BCAS3: variants seen among roughly 807,000 people sequenced by gnomAD.
BCAS3 encodes the protein BCAS3 microtubule associated cell migration factor, also known as BCAS4/BCAS3 fusion.
In BCAS3, 53 loss-of-function variants were observed where a neutral mutation model predicts 116.1. The ratio of observed to expected loss-of-function variants is 0.46; its 90% CI spans 0.37 to 0.57. BCAS3 has a LOEUF of 0.57. Among genes scored for constraint, BCAS3 ranks in the 20% least tolerant of loss-of-function variants. The pLI, the probability that BCAS3 is intolerant of heterozygous loss-of-function variation, is 0.00. For synonymous variants in BCAS3, 391 were observed against 408.2 expected (o/e 0.96, Z 0.51); for missense variants, 917 against 1,165.4 (o/e 0.79, Z 3.10).
rs559924249 is a variant in BCAS3, at chr17:61,146,867, T to C, written c.2425+62303T>C. Among the ~76,000 whole-genome samples, 86 of 152,166 alleles carry C rather than the reference T, an allele frequency of 5.7e-4. 1 individual carries two copies. Among genetic ancestry groups the C allele is most frequent in the Non-Finnish European group, 6.9e-4 (47 of 68,026 alleles). On this transcript the variant is annotated intron_variant, in intron 22 of 23. Coordinates refer to ENST00000407086, the MANE Select transcript of BCAS3 (RefSeq NM_017679.5). Reference sequence around the variant, plus strand: ...GCACTTGCTAGAGAAAATGAAAATATTTCAAACCCACTTAGTTTTTTTAAT... The same window carrying C: ...GCACTTGCTAGAGAAAATGAAAATACTTCAAACCCACTTAGTTTTTTTAAT...
At chr17:61,099,195 G>C (rs1057000883) in intron 22 of BCAS3, among the ~76,000 whole-genome samples, 1 of 152,102 alleles carries the variant, frequency 6.6e-6, no homozygotes, top group African/African-American at 2.4e-5. Context: ...TTAGAACAGA[G>C]GGGGAAAAAT....
chr17:61,186,303 CAGTT>C lies in BCAS3; in HGVS notation c.2425+101745_2425+101748del, dbSNP rs2079771653. ...CCATATGTTAAGGTTGTCTTTATTA[CAGTT>C]AGTTATCCATCCCTATATCTTAGCT... is the stretch of plus-strand genomic sequence containing the variant. On this transcript the variant is annotated intron_variant, in intron 22 of 23. Transcript: ENST00000407086. The surrounding 1 kb of genome is among the most constrained non-coding windows in gnomAD (Gnocchi z 4.9). Among the ~76,000 whole-genome samples the C allele has an allele frequency of 6.6e-6, 1 of 152,074 alleles. No individual in the cohort carries two copies. The highest frequency in any genetic ancestry group is 2.4e-5 in the African/African-American group (1 of 41,394).
intron 22 of BCAS3, among the ~76,000 whole-genome samples, chr17:61,246,915 T>C (rs1263758628): frequency 6.6e-6 from 1 of 152,078 alleles, no homozygotes; most frequent in East Asian, 1.9e-4. Flanking sequence ...ACCCATTTTG[T>C]TTAATTTGTT....
chr17:61,082,967 C>T lies in BCAS3; in HGVS notation c.2328-1500C>T, dbSNP rs1171417056. 6.6e-6 allele frequency among the ~76,000 whole-genome samples: 1 copy of T among 152,216 alleles called. No individual in the cohort carries two copies. Among genetic ancestry groups the T allele is most frequent in the Non-Finnish European group, 1.5e-5 (1 of 68,032 alleles). On this transcript the variant is annotated intron_variant, in intron 21 of 23. Coordinates refer to ENST00000407086, the MANE Select transcript of BCAS3 (RefSeq NM_017679.5). This position sits in a 1 kb window ranked among gnomAD's most constrained non-coding sequence, Gnocchi z 5.1. The stretch of plus-strand genomic sequence containing the variant: ...AGTTCATACTTGGCATTTCAGGCTT[C>T]TGTCATCTGTCCCATGTTTCTTATC...
intron 4 of BCAS3, among the ~76,000 whole-genome samples, chr17:60,698,388 T>C (rs2035928901): frequency 6.6e-6 from 1 of 152,068 alleles, no homozygotes; most frequent in African/African-American, 2.4e-5. Context: ...CTTATGCCTG[T>C]AATCCAGCAC....
At chr17:61,005,769 T>A (rs1324395890) in intron 15 of BCAS3, among the ~76,000 whole-genome samples, 1 of 151,418 alleles carries the variant, frequency 6.6e-6, no homozygotes, top group East Asian at 1.9e-4. Context: ...TTTTTTTTTT[T>A]AGGAAAAAAT....
At chr17:61,031,567 A>G (rs960136142) in intron 16 of BCAS3, among the ~76,000 whole-genome samples, 2 of 152,046 alleles carry the variant, frequency 1.3e-5, no homozygotes, top group African/African-American at 4.8e-5. Context: ...TCCTCTGCAA[A>G]TCTTAAAGAC....
intron 5 of BCAS3, among the ~76,000 whole-genome samples, chr17:60,726,885 T>C (rs1003194994): frequency 4.6e-5 from 7 of 152,168 alleles, no homozygotes; most frequent in African/African-American, 1.4e-4. Flanking sequence ...ATAACTGGAA[T>C]ATTCAGAATG....
chr17:61,245,251 G>T (rs1602155087), intron 22 of BCAS3: 2 of 152,218 alleles, frequency 1.3e-5, no homozygotes, highest in South Asian at 4.2e-4. Flanking sequence ...AACAAGAACA[G>T]GATGGGGAAA....
chr17:61,190,566 C>T (rs1017446591), intron 22 of BCAS3, among the ~76,000 whole-genome samples: 16 of 146,908 alleles, frequency 1.1e-4, no homozygotes, highest in African/African-American at 2.7e-4. Context: ...GCCTGGGCTA[C>T]GTAGTGAGAC....
chr17:61,164,337 G>T (rs370807048), intron 22 of BCAS3, among the ~76,000 whole-genome samples: 152 of 152,050 alleles, frequency 1.0e-3, no homozygotes, highest in African/African-American at 3.5e-3. Flanking sequence ...CAATGAAAAG[G>T]TGTTAAGAGG....
rs1253632644 is a variant in BCAS3, at chr17:61,196,120, AG to A, written c.2425+111557del. On this transcript the variant is annotated intron_variant, in intron 22 of 23. Coordinates refer to ENST00000407086, the MANE Select transcript of BCAS3 (RefSeq NM_017679.5). The surrounding 1 kb of genome is among the most constrained non-coding windows in gnomAD (Gnocchi z 4.7). The stretch of plus-strand genomic sequence containing the variant: ...CTAGACAACTTCTGAGGTTTATTCA[AG>A]CCTCATTTGTTGCTGCTCTAAATTC... 6.6e-6 allele frequency among the ~76,000 whole-genome samples: 1 copy of A among 152,238 alleles called. No homozygotes were observed. The highest frequency in any genetic ancestry group is 1.5e-5 in the Non-Finnish European group (1 of 68,038).
chr17:60,838,767 A>AATATTAATATTT (rs1233044186), intron 7 of BCAS3, among the ~76,000 whole-genome samples: 1 of 152,222 alleles, frequency 6.6e-6, no homozygotes, highest in Non-Finnish European at 1.5e-5. Context: ...TCTAGACAAA[A>AATATTAATATTT]TCTAAAAAAA....
Position 60,709,254 on chromosome 17 carries a change from A to G in BCAS3, c.250A>G (p.Ser84Gly), listed in dbSNP as rs1287030626. The change falls in exon 5 of 24, where the codon AGT becomes GGT. Residue 84 changes from serine (S) to glycine (G), a missense_variant. Physicochemically the swap from Ser to Gly is moderately conservative, Grantham distance 56. Around this residue, in one of 3 missense-constraint regions of BCAS3, gnomAD observed 807 missense variants for 1,026.0 expected, o/e 0.79. Coordinates refer to ENST00000407086, the MANE Select transcript of BCAS3 (RefSeq NM_017679.5). ...SRNLEFHEIH[S>G]TGNEPPLLIM... ...AAATCTGGAATTTCATGAAATACAT[A>G]GTACTGGGAATGAACCGCCTTTGTT... 3 of 1,591,136 alleles carry G rather than the reference A, an allele frequency of 1.9e-6. No homozygotes were observed. The highest frequency in any genetic ancestry group is 2.6e-6 in the Non-Finnish European group (3 of 1,160,160).
rs550877307 is a variant in BCAS3 at position 61,304,120 on chromosome 17, A to G, written c.2426-64207A>G. 2.6e-5 allele frequency among the ~76,000 whole-genome samples: 4 copies of G among 152,238 alleles called. No individual in the cohort carries two copies. The South Asian group carries it at 8.3e-4, about 32-fold the overall frequency. On this transcript the variant is annotated intron_variant, in intron 22 of 23. Coordinates refer to ENST00000407086, the MANE Select transcript of BCAS3 (RefSeq NM_017679.5). The stretch of plus-strand genomic sequence containing the variant: ...TCCTGCTGATTGTTTCTCTCTAAAT[A>G]GTTCTCAAATTTGCTCTTTATCCTT...
At chr17:60,903,669 G>A (rs2058038970) in intron 11 of BCAS3, among the ~76,000 whole-genome samples, 1 of 152,046 alleles carries the variant, frequency 6.6e-6, no homozygotes, top group Non-Finnish European at 1.5e-5. Flanking sequence ...CTGAGCTTAA[G>A]CAATCCACCC....
At chr17:60,800,443 G>A (rs1017336191) in intron 6 of BCAS3, among the ~76,000 whole-genome samples, 61 of 152,024 alleles carry the variant, frequency 4.0e-4, no homozygotes, top group African/African-American at 1.4e-3. Flanking sequence ...TAATTGGATT[G>A]TTGTTTTACT....
intron 22 of BCAS3, among the ~76,000 whole-genome samples, chr17:61,129,171 A>G (rs2076201981): frequency 1.3e-5 from 2 of 152,238 alleles, no homozygotes; most frequent in African/African-American, 2.4e-5. Flanking sequence ...TAAGAAAGGA[A>G]ATTAAAGGAG....
intron 22 of BCAS3, among the ~76,000 whole-genome samples, chr17:61,336,744 A>T (rs1325009044): frequency 6.6e-6 from 1 of 152,224 alleles, no homozygotes; most frequent in African/African-American, 2.4e-5. Flanking sequence ...ATTTGGGGGC[A>T]TGAATGTGTC....
Sources: gnomAD v4.1 joint callset for allele counts (sites outside exome capture counted in the v4.1 genomes callset) on GRCh38, gnomAD v4.1.1 for gene constraint, gnomAD v4.1.1 regional missense constraint, Gnocchi (gnomAD v3.1) non-coding constraint, MANE v1.5 for transcripts, NCBI Gene and HGNC (gene_info 2026-07-23, HGNC 2026-07-21) for gene names.